KLHL20: variants seen among roughly 807,000 people sequenced by gnomAD.
KLHL20 encodes the protein kelch-like protein 20.
KLHL20 carries 29 observed loss-of-function variants against 69.5 expected under a neutral mutation model. The observed-to-expected ratio is 0.42, with a 90% confidence interval of 0.31 to 0.57. The LOEUF is 0.57. Ranked by LOEUF, KLHL20 falls within the 20% of genes least tolerant of loss-of-function variation. The pLI, the probability that KLHL20 is intolerant of heterozygous loss-of-function variation, is 0.18. For synonymous variants in KLHL20, 253 were observed against 265.2 expected, an observed-to-expected ratio of 0.95 and a Z score of 0.45; for missense variants, 419 against 776.0, an observed-to-expected ratio of 0.54 and a Z score of 5.47.
At chr1:173,781,020 GGAGA>G (rs948827857) in intron 10 of KLHL20, among the ~76,000 whole-genome samples, 1 of 147,040 alleles carries the variant, frequency 6.8e-6, no homozygotes, top group Non-Finnish European at 1.5e-5. Context: ...AGAGGGAGAG[GGAGA>G]GAGAGAGAGG....
At chr1:173,747,085 A>G (rs1368750343) in intron 3 of KLHL20, among the ~76,000 whole-genome samples, 2 of 151,936 alleles carry the variant, frequency 1.3e-5, no homozygotes, top group East Asian at 3.8e-4. Flanking sequence ...ATTCTACTCT[A>G]TGAAATTTGC....
intron 3 of KLHL20, chr1:173,741,573 A>G: frequency 2.3e-6 from 1 of 425,976 alleles, no homozygotes; most frequent in Non-Finnish European, 4.1e-6. Context: ...CTGCATGGTA[A>G]AACAAAGCAA....
chr1:173,740,289 A>G (rs149683433), intron 3 of KLHL20, among the ~76,000 whole-genome samples: 2,554 of 151,070 alleles, frequency 0.017, 40 homozygotes, highest in Non-Finnish European at 0.027. Context: ...CGCCCGGCCA[A>G]TTTTTTGTAT....
intron 2 of KLHL20, among the ~76,000 whole-genome samples, chr1:173,722,769 A>G (rs2102454787): frequency 6.7e-6 from 1 of 150,186 alleles, no homozygotes; most frequent in East Asian, 2.0e-4. Context: ...GGTTCACCGC[A>G]ACCTCTGCCT....
intron 2 of KLHL20, among the ~76,000 whole-genome samples, chr1:173,732,221 G>A (rs1263348296): frequency 6.6e-6 from 1 of 151,548 alleles, no homozygotes. Context: ...CCAGTGTGAT[G>A]GCATGTGCCT....
At chr1:173,784,445 G>C (rs1649077888) in intron 11 of KLHL20, among the ~76,000 whole-genome samples, 1 of 152,072 alleles carries the variant, frequency 6.6e-6, no homozygotes, top group Non-Finnish European at 1.5e-5. Context: ...TCTTATCTGA[G>C]GACTTGTTTC....
chr1:173,765,984 A>C (rs1213017845), intron 7 of KLHL20, among the ~76,000 whole-genome samples, 162 bp from the exon 8 acceptor site: 1 of 152,190 alleles, frequency 6.6e-6, no homozygotes, highest in African/African-American at 2.4e-5. Context: ...ATTTCAAAAA[A>C]TAAAAACACA....
chr1:173,744,715 C>T (rs897399893), intron 3 of KLHL20, among the ~76,000 whole-genome samples: 1 of 152,114 alleles, frequency 6.6e-6, no homozygotes, highest in African/African-American at 2.4e-5. Flanking sequence ...CCTTTCTTTG[C>T]CCCACTGATT....
chr1:173,740,185 G>A (rs1672734322), intron 3 of KLHL20, among the ~76,000 whole-genome samples: 1 of 146,918 alleles, frequency 6.8e-6, no homozygotes, highest in Admixed American at 6.8e-5. Context: ...GCAGTGGCGC[G>A]ATTTCGGCTC....
chr1:173,758,942 T>A (rs556731874), intron 7 of KLHL20, among the ~76,000 whole-genome samples: 1 of 152,250 alleles, frequency 6.6e-6, no homozygotes, highest in South Asian at 2.1e-4. Context: ...ACTAAAGCCC[T>A]TTTCTCTTGC....
intron 8 of KLHL20, among the ~76,000 whole-genome samples, chr1:173,772,702 A>C (rs1367962757): frequency 6.6e-6 from 1 of 152,242 alleles, no homozygotes; most frequent in Admixed American, 6.5e-5. Context: ...TCAGTAAATT[A>C]GTGTATCTAG....
At chr1:173,736,377 G>A (rs58183481) in intron 3 of KLHL20, among the ~76,000 whole-genome samples, 23 of 152,168 alleles carry the variant, frequency 1.5e-4, no homozygotes, top group African/African-American at 5.1e-4. Context: ...GTTGTGAATT[G>A]TGCTGCTATA....
chr1:173,739,222 A>G (rs572978512), intron 3 of KLHL20, among the ~76,000 whole-genome samples: 29 of 151,956 alleles, frequency 1.9e-4, no homozygotes, highest in Non-Finnish European at 3.7e-4. Context: ...ACAGGCACCC[A>G]CCACCACGCC....
At position 173,739,734 on chromosome 1, in the gene KLHL20, C is replaced by T. The variant is rs1672708741; in HGVS notation, c.597+5448C>T. On this transcript the variant is annotated intron_variant, in intron 3 of 11. Coordinates refer to ENST00000209884, the MANE Select transcript of KLHL20 (RefSeq NM_014458.4). The stretch of plus-strand genomic sequence containing the variant: ...TGGTGCAATCTCAGCTCACTGCAAC[C>T]TCTGCCTCCCGGGTTCAAGCAATTG... 5.4e-5 allele frequency among the ~76,000 whole-genome samples: 8 copies of T among 147,622 alleles called. 1 individual carries two copies. In the Admixed American group the frequency reaches 5.5e-4, roughly 10 times the overall value.
intron 2 of KLHL20, among the ~76,000 whole-genome samples, chr1:173,720,089 T>G (rs904609960): frequency 5.3e-5 from 8 of 152,206 alleles, no homozygotes; most frequent in African/African-American, 1.7e-4. Context: ...GCCACTGCAC[T>G]CCAGCCCGGA....
In KLHL20 at chr1:173,742,326, TACAC is replaced by T. The variant is rs150776738; in HGVS notation, c.597+8045_597+8048del. Among the ~76,000 whole-genome samples, 736 of 152,316 alleles carry T rather than the reference TACAC, an allele frequency of 4.8e-3. 6 individuals are homozygous for T. The highest frequency in any genetic ancestry group is 0.015 in the African/African-American group (615 of 41,560). ...GTATCTATCAAAGTTACATACTTTT[TACAC>T]ACACTATTTTGACTCAGCTTCCTAC... On this transcript the variant is annotated intron_variant, in intron 3 of 11. Coordinates refer to ENST00000209884, the MANE Select transcript of KLHL20 (RefSeq NM_014458.4).
At chr1:173,784,994 T>C (rs1162883790) in intron 11 of KLHL20, among the ~76,000 whole-genome samples, 169 bp from the exon 12 acceptor site, 3 of 152,216 alleles carry the variant, frequency 2.0e-5, no homozygotes, top group Admixed American at 6.5e-5. Flanking sequence ...CAGTGCTCAA[T>C]TGCAGCTTCT....
At chr1:173,753,104 T>G in intron 4 of KLHL20, 109 bp from the exon 5 acceptor site, 1 of 804,776 alleles carries the variant, frequency 1.2e-6, no homozygotes, top group Non-Finnish European at 2.0e-6. Context: ...GCCCAGGAGA[T>G]TGAGGCTGCA....
intron 2 of KLHL20, among the ~76,000 whole-genome samples, chr1:173,720,734 A>G (rs1671677242): frequency 6.6e-6 from 1 of 152,196 alleles, no homozygotes; most frequent in African/African-American, 2.4e-5. Flanking sequence ...GATTTGGTGA[A>G]CATGGAGTGA....
Sources: allele counts gnomAD v4.1 joint callset (sites outside exome capture counted in the v4.1 genomes callset), GRCh38; gene constraint gnomAD v4.1.1; transcripts MANE v1.5; gene names NCBI Gene and HGNC (gene_info 2026-07-23, HGNC 2026-07-21).